Variants in CNTNAP2 observed in about 807,000 individuals in gnomAD.
CNTNAP2 encodes the protein contactin associated protein 2.
In CNTNAP2, 98 loss-of-function variants were observed where a neutral mutation model predicts 155.2. The observed-to-expected ratio is 0.63, with a 90% CI of 0.54 to 0.75. The LOEUF (loss-of-function observed/expected upper bound fraction) is 0.75, where lower values mean the gene tolerates loss of function less well. Ranked by LOEUF, CNTNAP2 falls within the 30% of genes least tolerant of loss-of-function variation. CNTNAP2 has a pLI of 0.00. For missense variants in CNTNAP2, 1,727 were observed against 1,688.1 expected (o/e 1.02, Z -0.40); for synonymous variants, 651 against 631.2 (o/e 1.03, Z -0.47).
intron 1 of CNTNAP2, among the ~76,000 whole-genome samples, chr7:146,244,301 C>T (rs28760066): frequency 0.029 from 4,446 of 152,082 alleles, 222 homozygotes; most frequent in African/African-American, 0.1. Context: ...CAGTGTAAAC[C>T]GGCAGTGTAA....
At chr7:146,187,867 A>G (rs555603059) in intron 1 of CNTNAP2, among the ~76,000 whole-genome samples, 3 of 152,270 alleles carry the variant, frequency 2.0e-5, no homozygotes, top group African/African-American at 7.2e-5. Context: ...ATAATAACAA[A>G]TGTGAGGTAG....
chr7:146,969,885 G>A (rs1298782240), intron 3 of CNTNAP2, among the ~76,000 whole-genome samples: 4 of 152,086 alleles, frequency 2.6e-5, no homozygotes, highest in Admixed American at 1.3e-4. Flanking sequence ...GAACAGAACA[G>A]AGCCCTCAGA....
chr7:146,735,048 A>G (rs1195022812), intron 1 of CNTNAP2, among the ~76,000 whole-genome samples: 1 of 152,342 alleles, frequency 6.6e-6, no homozygotes, highest in South Asian at 2.1e-4. Context: ...ATATGCTGAA[A>G]TGTTTTCAAA....
At chr7:146,973,876 C>G (rs1797854841) in intron 3 of CNTNAP2, among the ~76,000 whole-genome samples, 2 of 152,152 alleles carry the variant, frequency 1.3e-5, no homozygotes, top group Admixed American at 1.3e-4. Flanking sequence ...AATCTCTTCC[C>G]TTTGCCACAA....
intron 1 of CNTNAP2, among the ~76,000 whole-genome samples, chr7:146,422,949 C>T (rs1312867549): frequency 6.6e-6 from 1 of 152,128 alleles, no homozygotes; most frequent in Non-Finnish European, 1.5e-5. Flanking sequence ...AAGATTAAGA[C>T]ATTTTCTGTC....
chr7:148,335,216 C>A (rs1798097865), intron 21 of CNTNAP2, among the ~76,000 whole-genome samples: 1 of 152,160 alleles, frequency 6.6e-6, no homozygotes, highest in Non-Finnish European at 1.5e-5. Flanking sequence ...CAAAGAGAGG[C>A]CAACCCACTC....
At chr7:148,235,482 G>T (rs568279884) in intron 20 of CNTNAP2, among the ~76,000 whole-genome samples, 5 of 152,134 alleles carry the variant, frequency 3.3e-5, no homozygotes, top group Non-Finnish European at 7.3e-5. Flanking sequence ...TGATGAAATT[G>T]TGCTGGGCAG....
chr7:147,759,199 A>T (rs1797262094), intron 13 of CNTNAP2, among the ~76,000 whole-genome samples: 3 of 152,202 alleles, frequency 2.0e-5, no homozygotes, highest in Admixed American at 6.5e-5. Flanking sequence ...TGATAGACAT[A>T]AAATTATTTT....
chr7:146,133,169 A>G (rs1001474812), intron 1 of CNTNAP2, among the ~76,000 whole-genome samples: 4 of 151,820 alleles, frequency 2.6e-5, no homozygotes, highest in African/African-American at 9.7e-5. Flanking sequence ...GCCAGTGATG[A>G]TGAGCATTTT....
intron 15 of CNTNAP2, among the ~76,000 whole-genome samples, chr7:148,114,444 A>G (rs1330120886): frequency 6.6e-6 from 1 of 152,212 alleles, no homozygotes; most frequent in Non-Finnish European, 1.5e-5. Flanking sequence ...AATGGTGACT[A>G]TATTCTGAGG....
chr7:148,343,370 T>G (rs1292722967), intron 21 of CNTNAP2, among the ~76,000 whole-genome samples: 2 of 152,262 alleles, frequency 1.3e-5, no homozygotes, highest in African/African-American at 4.8e-5. Context: ...CTAGGTCGTC[T>G]CAGCATTTGT....
chr7:146,286,280 T>C (rs1800335439), intron 1 of CNTNAP2, among the ~76,000 whole-genome samples: 1 of 151,898 alleles, frequency 6.6e-6, no homozygotes, highest in South Asian at 2.1e-4. Context: ...AGAACAATGA[T>C]AACTTCTCTC....
chr7:147,104,641 C>T (rs1419946877), intron 4 of CNTNAP2, among the ~76,000 whole-genome samples: 1 of 150,858 alleles, frequency 6.6e-6, no homozygotes, highest in African/African-American at 2.4e-5. Context: ...TATTTACATA[C>T]TTTTTAATTT....
At chr7:146,433,649 C>T (rs569954839) in intron 1 of CNTNAP2, among the ~76,000 whole-genome samples, 3 of 152,088 alleles carry the variant, frequency 2.0e-5, no homozygotes, top group African/African-American at 4.8e-5. Flanking sequence ...AGCATGAAGT[C>T]ATGAGTTCAG....
intron 13 of CNTNAP2, among the ~76,000 whole-genome samples, chr7:147,721,418 C>T (rs1417396577): frequency 6.6e-6 from 1 of 152,042 alleles, no homozygotes; most frequent in Non-Finnish European, 1.5e-5. Context: ...ATTACTGAGA[C>T]TTCTATAAAT....
intron 1 of CNTNAP2, among the ~76,000 whole-genome samples, chr7:146,404,588 C>T (rs373503884): frequency 1.3e-5 from 2 of 152,068 alleles, no homozygotes; most frequent in Admixed American, 6.5e-5. Flanking sequence ...CAACTTGCCA[C>T]AATAAGTTAT....
chr7:147,837,352 C>T (rs576282291), intron 13 of CNTNAP2, among the ~76,000 whole-genome samples: 12 of 152,214 alleles, frequency 7.9e-5, no homozygotes, highest in African/African-American at 2.9e-4. Context: ...ACAGGAAAGA[C>T]CCACCTCCAT....
chr7:147,435,732 C>A (rs577640247), intron 10 of CNTNAP2, among the ~76,000 whole-genome samples: 1 of 152,234 alleles, frequency 6.6e-6, no homozygotes, highest in East Asian at 1.9e-4. Flanking sequence ...CCAAGCTCTG[C>A]CATTTATTAA....
chr7:147,646,911 A>C (rs1194357087), intron 13 of CNTNAP2, among the ~76,000 whole-genome samples: 1 of 152,172 alleles, frequency 6.6e-6, no homozygotes, highest in Non-Finnish European at 1.5e-5. Flanking sequence ...GGGAGGAGAA[A>C]GAAAAGAACG....
Sources: allele counts gnomAD v4.1 joint callset (sites outside exome capture counted in the v4.1 genomes callset), GRCh38; gene constraint gnomAD v4.1.1; transcripts MANE v1.5; gene names NCBI Gene and HGNC (gene_info 2026-07-23, HGNC 2026-07-21).